JAG1: variants seen among roughly 807,000 people sequenced by gnomAD.
The protein encoded by JAG1 is protein jagged-1.
Under a neutral mutation model 148.7 loss-of-function variants are expected in JAG1, and 23 were observed. That is an observed-to-expected ratio of 0.15 (90% CI 0.11 to 0.22). The LOEUF (loss-of-function observed/expected upper bound fraction) is 0.22, where lower values mean the gene tolerates loss of function less well. Among genes scored for constraint, JAG1 ranks in the 10% least tolerant of loss-of-function variants. The pLI is 1.00. For missense variants in JAG1, 1,054 were observed against 1,611.2 expected (o/e 0.65, Z 5.92); for synonymous variants, 572 against 598.3 (o/e 0.96, Z 0.64).
Position 10,673,091 on chromosome 20 carries a change from G to T in JAG1, c.82-85C>A. ...AGGTGGCGACTCCCTCCCACTCCCC[G>T]CCCCGACGAGCCCTCCTCGCCGAGT... On this transcript the variant is annotated intron_variant, in intron 1 of 25. Coordinates refer to ENST00000254958, the MANE Select transcript of JAG1 (RefSeq NM_000214.3). The surrounding 1 kb of genome is among the most constrained non-coding windows in gnomAD (Gnocchi z 4.7). The T allele has an allele frequency of 3.3e-6, 4 of 1,222,190 alleles. No individual in the cohort carries two copies. In the South Asian group the frequency reaches 4.9e-5, roughly 15 times the overall value. The allele number at this position is 1,222,190 out of a possible 1,614,324, so 75.7% of individuals were successfully genotyped here. A position where few individuals can be genotyped will look rare whatever the true frequency, so the allele number is the denominator to read the frequency against.
In JAG1 at chr20:10,639,262, A is replaced by G; in HGVS notation, c.*236T>C. On this transcript the variant is annotated 3_prime_UTR_variant, in exon 26 of 26. Coordinates refer to ENST00000254958, the MANE Select transcript of JAG1 (RefSeq NM_000214.3). ...CCTGATCCGAGACCGTGTCGGCTGC[A>G]AGGGGACACACAACCAGGGTACTGT... The G allele has an allele frequency of 1.8e-6, 1 of 569,550 alleles. No individual in the cohort carries two copies. Among genetic ancestry groups the G allele is most frequent in the Non-Finnish European group, 3.2e-6 (1 of 310,454 alleles). 35.3% of individuals were successfully genotyped at this position (569,550 alleles called of 1,614,324 possible).
chr20:10,644,893 C>T lies in JAG1; in HGVS notation c.2314G>A (p.Glu772Lys), dbSNP rs1489361200. ...NGESFTCVCK[E>K]GWEGPICAQN... ...GCACAGATGGGCCCCTCCCAGCCTT[C>T]CTTGCAGACGCACGTAAAGGACTCG... is the stretch of plus-strand genomic sequence containing the variant. Residue 772 changes from glutamate to lysine, a missense_variant, in exon 18 of 26, where the codon GAA becomes AAA. Glu to Lys is a moderately conservative substitution (Grantham distance 56). Around this residue, in one of 6 missense-constraint regions of JAG1, gnomAD observed 342 missense variants for 514.6 expected, o/e 0.66. Transcript: ENST00000254958. 6.2e-7 allele frequency: 1 copy of T among 1,613,960 alleles called. No individual in the cohort carries two copies. The highest frequency in any genetic ancestry group is 1.3e-5 in the African/African-American group (1 of 74,890).
chr20:10,642,755 T>C (rs1187529392), intron 20 of JAG1, among the ~76,000 whole-genome samples, 154 bp from the exon 21 acceptor site: 2 of 152,200 alleles, frequency 1.3e-5, no homozygotes, highest in African/African-American at 4.8e-5. Flanking sequence ...AACAGATCTA[T>C]TGCAAAAACC....
chr20:10,639,501 T>C lies in JAG1; in HGVS notation c.3654A>G (p.Val1218=). The C allele has an allele frequency of 1.9e-6, 3 of 1,614,050 alleles. No individual in the cohort carries two copies. The change falls in exon 26 of 26, where the codon GTA becomes GTG. Residue 1218 remains valine (V), a synonymous_variant. Coordinates refer to ENST00000254958, the MANE Select transcript of JAG1 (RefSeq NM_000214.3). ...CGGCGGCAGTGCCCGCGGTCTGCTATACGATGTACTCCATTCGGTTTAAGC... is the reference window on the plus strand; with the variant it reads ...CGGCGGCAGTGCCCGCGGTCTGCTACACGATGTACTCCATTCGGTTTAAGC... ...AQSLNRMEYI[V]
chr20:10,641,770 C>G lies in JAG1; in HGVS notation c.2682+13G>C. On this transcript the variant is annotated intron_variant, in intron 22 of 25. Coordinates refer to ENST00000254958, the MANE Select transcript of JAG1 (RefSeq NM_000214.3). ...CAGAACACAGGTGAACTGCGGCAGC[C>G]ATCATGTCCTACCTTTGAGCAGGCG... The G allele has an allele frequency of 6.2e-7, 1 of 1,610,230 alleles. No homozygotes were observed. The highest frequency in any genetic ancestry group is 8.5e-7 in the Non-Finnish European group (1 of 1,176,402).
chr20:10,641,384 A>AG (rs1555827745), intron 23 of JAG1, 76 bp downstream of exon 23: 20 of 1,520,504 alleles, frequency 1.3e-5, no homozygotes, highest in Non-Finnish European at 1.5e-5. Context: ...AGTAGATCCT[A>AG]GCTCATGGCA....
At chr20:10,667,537 G>A (rs141029205) in intron 2 of JAG1, among the ~76,000 whole-genome samples, 12 of 152,308 alleles carry the variant, frequency 7.9e-5, no homozygotes, top group African/African-American at 2.6e-4. Flanking sequence ...GCATGCACAC[G>A]TACTCATGCA....
At position 10,673,079 on chromosome 20, in the gene JAG1, C is replaced by T. The variant is rs538077146; in HGVS notation, c.82-73G>A. 7 of 1,401,940 alleles carry T rather than the reference C, an allele frequency of 5.0e-6. No individual in the cohort carries two copies. The South Asian group carries it at 7.0e-5, about 14-fold the overall frequency. The allele number at this position is 1,401,940 out of a possible 1,614,324, so 86.8% of individuals were successfully genotyped here. On this transcript the variant is annotated intron_variant, in intron 1 of 25. Coordinates refer to ENST00000254958, the MANE Select transcript of JAG1 (RefSeq NM_000214.3). This position sits in a 1 kb window ranked among gnomAD's most constrained non-coding sequence, Gnocchi z 4.7. ...CTTCGAGTATAGAGGTGGCGACTCC[C>T]TCCCACTCCCCGCCCCGACGAGCCC...
At chr20:10,663,141 G>C (rs557711852) in intron 3 of JAG1, among the ~76,000 whole-genome samples, 26 of 152,332 alleles carry the variant, frequency 1.7e-4, no homozygotes, top group Admixed American at 8.5e-4. Context: ...TCAGAGAACA[G>C]AGAGCCAAGA....
Position 10,658,613 on chromosome 20 carries a change from G to T in JAG1, c.549C>A (p.Ile183=). ...AGTAGTAGTCATCACAGGTCACGCG[G>T]ATCTGATACTCAAAGTGGGCAACGC... ...NTGVAHFEYQ[I]RVTCDDYYYG... The change falls in exon 4 of 26, where the codon ATC becomes ATA. Residue 183 remains isoleucine, a synonymous_variant. Transcript: ENST00000254958. 6.2e-7 allele frequency: 1 copy of T among 1,614,222 alleles called. No individual in the cohort carries two copies. The highest frequency in any genetic ancestry group is 2.2e-5 in the East Asian group (1 of 44,890).
chr20:10,644,018 C>T (rs537208376), intron 19 of JAG1, among the ~76,000 whole-genome samples, 155 bp from the exon 20 acceptor site: 1 of 152,252 alleles, frequency 6.6e-6, no homozygotes, highest in Admixed American at 6.5e-5. Flanking sequence ...CTGGGTCCCA[C>T]CCCCAGAAAG....
intron 25 of JAG1, among the ~76,000 whole-genome samples, chr20:10,640,324 A>T (rs2067261612): frequency 6.6e-6 from 1 of 152,212 alleles, no homozygotes; most frequent in South Asian, 2.1e-4. Context: ...GACAGCTCAA[A>T]CGTGCCATGG....
intron 4 of JAG1, among the ~76,000 whole-genome samples, chr20:10,657,350 T>TAAAAA (rs34844219): frequency 2.8e-4 from 39 of 141,236 alleles, no homozygotes; most frequent in Admixed American, 4.9e-4. Flanking sequence ...CACCTTATCT[T>TAAAAA]AAAAAAAAAA....
In JAG1 at chr20:10,641,846, C is replaced by G. The variant is rs376657380; in HGVS notation, c.2619G>C (p.Gly873=). 1 of 1,613,950 alleles carries G rather than the reference C, an allele frequency of 6.2e-7. No individual in the cohort carries two copies. The highest frequency in any genetic ancestry group is 8.5e-7 in the Non-Finnish European group (1 of 1,179,940). Residue 873 remains glycine, a synonymous_variant, in exon 22 of 26, where the codon GGG becomes GGC. Transcript: ENST00000254958. ...CITMGSVIPD[G]AKWDDDCNTC... ...TATTACAGTCATCATCCCATTTGGC[C>G]CCATCTGGTATCACACTCCCCATGG...
rs2067244995 is a variant in JAG1, at chr20:10,638,084, A to G, written c.*1414T>C. ...TCATATAACACTAATAGGACAATAC[A>G]AAGTATCTTCACGGTCTCAATGGTG... On this transcript the variant is annotated 3_prime_UTR_variant, in exon 26 of 26. Coordinates refer to ENST00000254958, the MANE Select transcript of JAG1 (RefSeq NM_000214.3). The G allele has an allele frequency of 6.5e-6, 1 of 152,704 alleles. No individual in the cohort carries two copies. The highest frequency in any genetic ancestry group is 1.5e-5 in the Non-Finnish European group (1 of 68,044). 9.5% of individuals were successfully genotyped at this position (152,704 alleles called of 1,614,324 possible).
rs1408664493 is a variant in JAG1, at chr20:10,647,112, T to TA, written c.1721-10dup. 1 of 1,614,190 alleles carries TA rather than the reference T, an allele frequency of 6.2e-7. No individual in the cohort carries two copies. The highest frequency in any genetic ancestry group is 1.3e-5 in the African/African-American group (1 of 75,064). On this transcript the variant is annotated splice_polypyrimidine_tract_variant and intron_variant, in intron 13 of 25. Transcript: ENST00000254958. The stretch of plus-strand genomic sequence containing the variant: ...TGTGCAGCTGTCAATCACTAGAAGA[T>TA]AGGCTTGGGATCAGATCACAGCCAT...
intron 5 of JAG1, among the ~76,000 whole-genome samples, chr20:10,653,409 C>T (rs1568798774): frequency 6.7e-6 from 1 of 150,282 alleles, no homozygotes; most frequent in Non-Finnish European, 1.5e-5. Context: ...AAAACAAAAA[C>T]AAATACAACA....
At position 10,658,728 on chromosome 20, in the gene JAG1, G is replaced by C; in HGVS notation, c.440-6C>G. ...TTCAATAATACTGTCAGGTTCTAGAGACAAAGTGATGAATCATGTTAATAT... is the reference window on the plus strand; with the variant it reads ...TTCAATAATACTGTCAGGTTCTAGACACAAAGTGATGAATCATGTTAATAT... On this transcript the variant is annotated splice_region_variant and splice_polypyrimidine_tract_variant and intron_variant, in intron 3 of 25. Coordinates refer to ENST00000254958, the MANE Select transcript of JAG1 (RefSeq NM_000214.3). 6.2e-7 allele frequency: 1 copy of C among 1,614,104 alleles called. No homozygotes were observed. The highest frequency in any genetic ancestry group is 8.5e-7 in the Non-Finnish European group (1 of 1,179,986).
chr20:10,643,952 T>A, intron 19 of JAG1, 89 bp from the exon 20 acceptor site: 1 of 946,372 alleles, frequency 1.1e-6, no homozygotes, highest in Non-Finnish European at 1.7e-6. Context: ...CCAGTTACAG[T>A]CAGTGGCTCT....
Sources: allele counts gnomAD v4.1 joint callset (sites outside exome capture counted in the v4.1 genomes callset), GRCh38; gene constraint gnomAD v4.1.1; regional missense constraint gnomAD v4.1.1; non-coding constraint Gnocchi (gnomAD v3.1); transcripts MANE v1.5; gene names NCBI Gene and HGNC (gene_info 2026-07-23, HGNC 2026-07-21).